VRK3: variants seen among roughly 807,000 people sequenced by gnomAD.
VRK3 encodes the protein serine/threonine-protein kinase VRK3.
VRK3 carries 50 observed loss-of-function variants against 60.4 expected under a neutral mutation model. The ratio of observed to expected loss-of-function variants is 0.83; its 90% CI spans 0.66 to 1.05. The LOEUF (loss-of-function observed/expected upper bound fraction) is 1.05. Among genes scored for constraint, VRK3 ranks in the 50% least tolerant of loss-of-function variants. The probability of loss-of-function intolerance (pLI) is 0.00; values close to 1 mark genes in which losing one functional copy is unlikely to be tolerated. For synonymous variants in VRK3, 246 were observed against 227.8 expected, an observed-to-expected ratio of 1.08 and a Z score of -0.72; for missense variants, 549 against 585.3, an observed-to-expected ratio of 0.94 and a Z score of 0.64.
At chr19:50,014,186 G>C (rs1482813379) in intron 3 of VRK3, among the ~76,000 whole-genome samples, 3 of 152,140 alleles carry the variant, frequency 2.0e-5, no homozygotes, top group Admixed American at 6.6e-5. Flanking sequence ...AGAATCACTT[G>C]AACTCGGGAG....
intron 12 of VRK3, among the ~76,000 whole-genome samples, chr19:49,985,862 G>C (rs576634610): frequency 2.6e-5 from 4 of 152,288 alleles, no homozygotes; most frequent in African/African-American, 9.6e-5. Flanking sequence ...AGGTGACATG[G>C]GCTGTCTCTG....
chr19:49,981,268 C>T (rs1038723459), intron 12 of VRK3: 16 of 511,710 alleles, frequency 3.1e-5, no homozygotes, highest in East Asian at 2.7e-4. Flanking sequence ...TTGTTTTGGC[C>T]GGGCACAGTG....
intron 3 of VRK3, among the ~76,000 whole-genome samples, chr19:50,014,937 A>T (rs1179655927): frequency 1.3e-5 from 2 of 152,142 alleles, no homozygotes; most frequent in Non-Finnish European, 2.9e-5. Flanking sequence ...GGTGAGGACC[A>T]GGGATGTGGG....
intron 9 of VRK3, 117 bp from the exon 10 acceptor site, chr19:49,993,069 TG>T: frequency 1.1e-6 from 1 of 909,408 alleles, no homozygotes; most frequent in Non-Finnish European, 1.7e-6. Flanking sequence ...ACACTGTGAC[TG>T]GGGGTTAAAC....
intron 6 of VRK3, chr19:50,000,096 C>T (rs1025261835): frequency 2.6e-5 from 4 of 152,322 alleles, no homozygotes; most frequent in African/African-American, 7.2e-5. Context: ...ACCCAGCTGT[C>T]CCTGGTTTTC....
At chr19:50,006,961 A>G (rs1372904538) in intron 5 of VRK3, among the ~76,000 whole-genome samples, 1 of 151,874 alleles carries the variant, frequency 6.6e-6, no homozygotes, top group African/African-American at 2.4e-5. Context: ...CATCCACGAG[A>G]CTCAAACCAT....
rs962919671 is a variant in VRK3 at position 50,013,478 on chromosome 19, G to A, written c.139+2546C>T. On this transcript the variant is annotated intron_variant, in intron 3 of 14. Transcript: ENST00000316763. ...ATCATTTGTTTAAACCCTTGTCATA[G>A]CATTTTCTGTTATCTGCAGCTAAAC... Among the ~76,000 whole-genome samples, 5 of 152,288 alleles carry A rather than the reference G, an allele frequency of 3.3e-5. No homozygotes were observed. The South Asian group carries it at 1.0e-3, about 32-fold the overall frequency.
Position 50,013,419 on chromosome 19 carries a change from AC to A in VRK3, c.139+2604del, listed in dbSNP as rs537003473. Among the ~76,000 whole-genome samples, 820 of 152,314 alleles carry A rather than the reference AC, an allele frequency of 5.4e-3. 11 individuals are homozygous for A. The highest frequency in any genetic ancestry group is 7.5e-3 in the Non-Finnish European group (512 of 68,018). On this transcript the variant is annotated intron_variant, in intron 3 of 14. Coordinates refer to ENST00000316763, the MANE Select transcript of VRK3 (RefSeq NM_016440.4). ...TAGTAAGAAAAATATTGCTCTACAT[AC>A]TTGCCAGTGAAAGAAAAGAAGAAAT...
intron 12 of VRK3, among the ~76,000 whole-genome samples, chr19:49,982,639 T>C (rs61064753): frequency 0.02 from 3,106 of 152,304 alleles, 104 homozygotes; most frequent in African/African-American, 0.072. Flanking sequence ...ACTGTGTCTG[T>C]AAGTGGCCAT....
chr19:50,007,882 T>C (rs550611768), intron 4 of VRK3, 56 bp from the exon 5 acceptor site: 251 of 1,604,238 alleles, frequency 1.6e-4, no homozygotes, highest in Non-Finnish European at 2.0e-4. Flanking sequence ...AAAAGTTAGA[T>C]GGGGAGTGAA....
At position 49,981,204 on chromosome 19, in the gene VRK3, C is replaced by T. The variant is rs1320005172; in HGVS notation, c.1218-191G>A. 5 of 622,096 alleles carry T rather than the reference C, an allele frequency of 8.0e-6. No individual in the cohort carries two copies. The Admixed American group carries it at 1.0e-4, about 13-fold the overall frequency. 38.5% of individuals were successfully genotyped at this position (622,096 alleles called of 1,614,324 possible). A position where few individuals can be genotyped will look rare whatever the true frequency, so the allele number is the denominator to read the frequency against. ...CCACTACCATTGCTCCCAAGGGAAA[C>T]AGCACTGCTTCCTGCAAGCCTCTGG... On this transcript the variant is annotated intron_variant, in intron 12 of 14. Transcript: ENST00000316763.
chr19:49,997,001 T>C (rs1003415464), intron 7 of VRK3: 1 of 152,222 alleles, frequency 6.6e-6, no homozygotes, highest in South Asian at 2.1e-4. Flanking sequence ...TTATTTTTTT[T>C]GGAGACAGGG....
At position 49,994,872 on chromosome 19, in the gene VRK3, T is replaced by C. The variant is rs751105355; in HGVS notation, c.812A>G (p.Asp271Gly). 1.2e-6 allele frequency: 2 copies of C among 1,613,904 alleles called. No individual in the cohort carries two copies. The highest frequency in any genetic ancestry group is 1.7e-6 in the Non-Finnish European group (2 of 1,180,024). Residue 271 changes from aspartate (D) to glycine (G), a missense_variant, in exon 9 of 15, where the codon GAT (aspartate) becomes GGT (glycine). Coordinates refer to ENST00000316763, the MANE Select transcript of VRK3 (RefSeq NM_016440.4). ...TGACAGCACATGCTTTGGGCTGACA[T>C]CCAGGGCCGACTGAAGGCTCCTCCC... ...SLGRSLQSAL[D>G]VSPKHVLSER...
At chr19:50,024,680 G>C (rs972948006) in intron 1 of VRK3, among the ~76,000 whole-genome samples, 3 of 152,212 alleles carry the variant, frequency 2.0e-5, no homozygotes, top group Non-Finnish European at 2.9e-5. Flanking sequence ...GTTGCACGGA[G>C]CCTTCCATAT....
intron 13 of VRK3, among the ~76,000 whole-genome samples, chr19:49,980,263 T>C (rs553830714): frequency 6.6e-6 from 1 of 152,028 alleles, no homozygotes; most frequent in East Asian, 1.9e-4. Flanking sequence ...GTAACAGGGA[T>C]TGGCTTTATA....
intron 2 of VRK3, among the ~76,000 whole-genome samples, chr19:50,017,086 C>T (rs1011560833): frequency 6.6e-6 from 1 of 152,036 alleles, no homozygotes; most frequent in African/African-American, 2.4e-5. Flanking sequence ...CCCAGCTACT[C>T]AGGAGGCTGA....
At position 49,977,661 on chromosome 19, in the gene VRK3, C is replaced by T. The variant is rs541766668; in HGVS notation, c.*12-877G>A. Among the ~76,000 whole-genome samples, 29 of 152,208 alleles carry T rather than the reference C, an allele frequency of 1.9e-4. No individual in the cohort carries two copies. In the South Asian group the frequency reaches 5.8e-3, roughly 31 times the overall value. On this transcript the variant is annotated intron_variant, in intron 14 of 14. Transcript: ENST00000316763. ...AAGTGACCCCGTGGTCAGTCTCACCCGGGACCGAAGGTTTGGAGGAGGCTG... is the reference window on the plus strand; with the variant it reads ...AAGTGACCCCGTGGTCAGTCTCACCTGGGACCGAAGGTTTGGAGGAGGCTG...
chr19:49,993,912 T>C (rs1485825649), intron 9 of VRK3, among the ~76,000 whole-genome samples: 1 of 152,036 alleles, frequency 6.6e-6, no homozygotes, highest in African/African-American at 2.4e-5. Context: ...CCTCCCCATA[T>C]GGCCCCTGAG....
intron 9 of VRK3, among the ~76,000 whole-genome samples, 196 bp downstream of exon 9, chr19:49,994,618 C>T (rs922315750): frequency 6.6e-6 from 1 of 152,194 alleles, no homozygotes; most frequent in Non-Finnish European, 1.5e-5. Flanking sequence ...ATGCTCATGG[C>T]CCCCCAAGGG....
Sources: gnomAD v4.1 joint callset for allele counts (sites outside exome capture counted in the v4.1 genomes callset) on GRCh38, gnomAD v4.1.1 for gene constraint, MANE v1.5 for transcripts, NCBI Gene and HGNC (gene_info 2026-07-23, HGNC 2026-07-21) for gene names.